ECPAS: variants seen among roughly 807,000 people sequenced by gnomAD.
ECPAS encodes Ecm29 proteasome adaptor and scaffold.
A neutral mutation model predicts 255.1 loss-of-function variants in ECPAS; 70 were observed. That is an observed-to-expected ratio of 0.27 (90% CI 0.23 to 0.33). ECPAS has a LOEUF of 0.33. ECPAS is among the 10% of genes least tolerant of loss of function. The pLI is 1.00. For synonymous variants in ECPAS, 784 were observed against 775.0 expected, an observed-to-expected ratio of 1.01 and a Z score of -0.19; for missense variants, 1,817 against 2,206.4, an observed-to-expected ratio of 0.82 and a Z score of 3.54.
chr9:111,398,190 A>G lies in ECPAS; in HGVS notation c.2653-1037T>C, dbSNP rs1436542298. ...TAGTTGTGATGAGGCATCACGTACT[A>G]ATGCCACAAGCTTCCTAGTCTGAGG... is the stretch of plus-strand genomic sequence containing the variant. On this transcript the variant is annotated intron_variant, in intron 24 of 49. Coordinates refer to ENST00000684092, the MANE Select transcript of ECPAS (RefSeq NM_001364929.1). Among the ~76,000 whole-genome samples the G allele has an allele frequency of 2.6e-5, 4 of 152,236 alleles. No homozygotes were observed. In the East Asian group the frequency reaches 7.7e-4, roughly 29 times the overall value.
At chr9:111,402,135 G>A (rs1230225521) in intron 24 of ECPAS, among the ~76,000 whole-genome samples, 4 of 152,190 alleles carry the variant, frequency 2.6e-5, no homozygotes, top group Admixed American at 2.6e-4. Context: ...GTAAAGACAG[G>A]CATAAGAAAT....
At chr9:111,478,251 G>A (rs1052477680) in intron 1 of ECPAS, among the ~76,000 whole-genome samples, 13 of 151,770 alleles carry the variant, frequency 8.6e-5, no homozygotes, top group African/African-American at 1.7e-4. Context: ...TAAATAGGCC[G>A]GACACAGTGG....
chr9:111,363,707 A>G (rs775051338), intron 48 of ECPAS, 48 bp from the exon 49 acceptor site: 1 of 858,050 alleles, frequency 1.2e-6, no homozygotes, highest in Non-Finnish European at 1.9e-6. Flanking sequence ...GAAAAACACA[A>G]CCTCCAAGAT....
intron 2 of ECPAS, among the ~76,000 whole-genome samples, chr9:111,453,490 TC>T (rs1439856321): frequency 6.6e-6 from 1 of 152,074 alleles, no homozygotes; most frequent in East Asian, 1.9e-4. Flanking sequence ...TGTGGCTATT[TC>T]CCCCTACAGG....
chr9:111,373,174 T>C lies in ECPAS; in HGVS notation c.4332A>G (p.Lys1444=), dbSNP rs1161536390. 14 of 1,612,978 alleles carry C rather than the reference T, an allele frequency of 8.7e-6. No individual in the cohort carries two copies. The highest frequency in any genetic ancestry group is 9.3e-6 in the Non-Finnish European group (11 of 1,179,062). ...LQKLNGWYME[K]EEPIYKTSCA... is the part of the protein sequence containing the mutation. ...AAAATAGAAAAAGAAAGGTACCTTC[T>C]TTCTCCATATACCACCCATTGAGCT... is the stretch of plus-strand genomic sequence containing the variant. Residue 1444 remains lysine, a synonymous_variant, in exon 41 of 50, where the codon AAA becomes AAG. Transcript: ENST00000684092.
rs1183148777 is a variant in ECPAS, at chr9:111,448,848, A to C, written c.153+2577T>G. Among the ~76,000 whole-genome samples the C allele has an allele frequency of 2.0e-5, 3 of 152,248 alleles. No homozygotes were observed. In the East Asian group the frequency reaches 5.8e-4, roughly 29 times the overall value. ...AATAAGTCAAAGATAAAATGACCAA[A>C]CTGCACATCAACATAACTATTACAT... On this transcript the variant is annotated intron_variant, in intron 3 of 49. Coordinates refer to ENST00000684092, the MANE Select transcript of ECPAS (RefSeq NM_001364929.1).
Position 111,403,925 on chromosome 9 carries a change from T to G in ECPAS, c.2652+4646A>C, listed in dbSNP as rs1439091095. The stretch of plus-strand genomic sequence containing the variant: ...TATCAAGTATCTTTTCTGACCATAA[T>G]GGAATAAAACTAGAAATCAGTAATA... On this transcript the variant is annotated intron_variant, in intron 24 of 49. Coordinates refer to ENST00000684092, the MANE Select transcript of ECPAS (RefSeq NM_001364929.1). 1.5e-4 allele frequency among the ~76,000 whole-genome samples: 22 copies of G among 149,788 alleles called. 1 individual carries two copies. The highest frequency in any genetic ancestry group is 8.6e-4 in the Admixed American group (13 of 15,204).
intron 3 of ECPAS, among the ~76,000 whole-genome samples, chr9:111,449,900 A>G (rs192095638): frequency 2.6e-5 from 4 of 152,318 alleles, no homozygotes; most frequent in African/African-American, 9.6e-5. Context: ...CCCAGCTCAG[A>G]ACACCTGCAC....
rs765952162 is a variant in ECPAS at position 111,370,729 on chromosome 9, C to T, written c.4774G>A (p.Ala1592Thr). ...CATTGAAAGAACATTTACCTGCAAG[C>T]TGTCACCACACAGGCAATGGCTTTC... ...LLKAIACVVT[A>T]CSAELEKSVP... Residue 1592 changes from alanine (A) to threonine (T), a missense_variant, in exon 44 of 50, where the codon GCT becomes ACT. By Grantham distance (58) the Ala-to-Thr change is moderately conservative (BLOSUM62 0). Around this residue, in one of 4 missense-constraint regions of ECPAS, gnomAD observed 960 missense variants for 1,179.0 expected, o/e 0.81. Transcript: ENST00000684092. The T allele has an allele frequency of 4.4e-6, 7 of 1,607,990 alleles. No homozygotes were observed. The East Asian group carries it at 1.3e-4, about 31-fold the overall frequency.
intron 34 of ECPAS, 124 bp from the exon 35 acceptor site, chr9:111,383,456 C>A: frequency 1.6e-6 from 2 of 1,236,936 alleles, no homozygotes; most frequent in Non-Finnish European, 2.2e-6. Flanking sequence ...CTTTCTCTGA[C>A]ACTACAGAGA....
intron 16 of ECPAS, among the ~76,000 whole-genome samples, chr9:111,418,422 C>A (rs1004798114): frequency 6.6e-6 from 1 of 150,490 alleles, no homozygotes; most frequent in African/African-American, 2.5e-5. Flanking sequence ...CAATTCTGTA[C>A]AACTAATAAC....
chr9:111,409,055 T>C (rs907330018), intron 23 of ECPAS, among the ~76,000 whole-genome samples: 1 of 152,218 alleles, frequency 6.6e-6, no homozygotes, highest in Non-Finnish European at 1.5e-5. Context: ...TGACTCTGTT[T>C]CCTCATGTTA....
At position 111,411,059 on chromosome 9, in the gene ECPAS, T is replaced by A; in HGVS notation, c.2298A>T (p.Ser766=). The A allele has an allele frequency of 6.2e-7, 1 of 1,613,980 alleles. No individual in the cohort carries two copies. The highest frequency in any genetic ancestry group is 1.7e-5 in the Admixed American group (1 of 60,030). The stretch of plus-strand genomic sequence containing the variant: ...CATTTCTCTCCAGGTCTTGTTGCTC[T>A]GACATTCTCATTTTCTTTTTAGCCA... ...RYLAKKKMRM[S]EQQDLERNAD... is the part of the protein sequence containing the mutation. Residue 766 remains serine (S), a synonymous_variant, in exon 22 of 50, where the codon TCA becomes TCT. Coordinates refer to ENST00000684092, the MANE Select transcript of ECPAS (RefSeq NM_001364929.1).
At chr9:111,441,630 T>C (rs567654974) in intron 5 of ECPAS, among the ~76,000 whole-genome samples, 1 of 152,362 alleles carries the variant, frequency 6.6e-6, no homozygotes, top group South Asian at 2.1e-4. Flanking sequence ...CAGTAATTCC[T>C]TTCATTAACA....
chr9:111,483,921 G>A lies in ECPAS; in HGVS notation c.-83+195C>T, dbSNP rs2098311131. The A allele has an allele frequency of 4.2e-6, 3 of 719,832 alleles. No homozygotes were observed. In the African/African-American group the frequency reaches 5.8e-5, roughly 14 times the overall value. The allele number at this position is 719,832 out of a possible 1,614,324, so 44.6% of individuals were successfully genotyped here. On this transcript the variant is annotated intron_variant, in intron 1 of 49. Coordinates refer to ENST00000684092, the MANE Select transcript of ECPAS (RefSeq NM_001364929.1). The stretch of plus-strand genomic sequence containing the variant: ...AAAGAGCTGAGCCATCCTCCCAGCG[G>A]CCCCCCCGCCGGGCCCCTCGCGCGC...
chr9:111,381,026 G>C (rs2131558432), intron 35 of ECPAS, among the ~76,000 whole-genome samples: 1 of 152,344 alleles, frequency 6.6e-6, no homozygotes, highest in East Asian at 1.9e-4. Flanking sequence ...TCATTTGTGT[G>C]TTGGCTAACA....
intron 9 of ECPAS, among the ~76,000 whole-genome samples, chr9:111,428,715 T>G (rs764971070): frequency 8.6e-5 from 13 of 151,936 alleles, no homozygotes; most frequent in Non-Finnish European, 1.6e-4. Context: ...TGACAAATAA[T>G]AATTTCTTAA....
chr9:111,369,003 A>G lies in ECPAS; in HGVS notation c.5113+32T>C, dbSNP rs750516814. On this transcript the variant is annotated intron_variant, in intron 46 of 49. Transcript: ENST00000684092. ...CGCTCTCATTAAGTAACCTCTGGTT[A>G]CAGCACTTCAAATGCAGTTTCTGGT... 10 of 1,518,256 alleles carry G rather than the reference A, an allele frequency of 6.6e-6. No homozygotes were observed. The South Asian group carries it at 1.2e-4, about 18-fold the overall frequency. The allele number at this position is 1,518,256 out of a possible 1,614,324, so 94.0% of individuals were successfully genotyped here. A position where few individuals can be genotyped will look rare whatever the true frequency, so the allele number is the denominator to read the frequency against.
intron 36 of ECPAS, among the ~76,000 whole-genome samples, chr9:111,377,640 C>T (rs928076502): frequency 6.6e-6 from 1 of 152,150 alleles, no homozygotes; most frequent in Non-Finnish European, 1.5e-5. Context: ...GAACAACATT[C>T]ACGGTCTGAT....
Sources: allele counts gnomAD v4.1 joint callset (sites outside exome capture counted in the v4.1 genomes callset), GRCh38; gene constraint gnomAD v4.1.1; regional missense constraint gnomAD v4.1.1; transcripts MANE v1.5; gene names NCBI Gene and HGNC (gene_info 2026-07-23, HGNC 2026-07-21).